Variants in SMG7 observed in about 807,000 individuals in gnomAD.
SMG7 encodes the protein SMG7 nonsense mediated mRNA decay factor, also known as nonsense-mediated mRNA decay factor SMG7.
A neutral mutation model predicts 148.2 loss-of-function variants in SMG7; 34 were observed. The observed-to-expected ratio is 0.23, with a 90% CI of 0.17 to 0.31. The LOEUF (loss-of-function observed/expected upper bound fraction) is 0.31, where lower values mean the gene tolerates loss of function less well. Among genes scored for constraint, SMG7 ranks in the 10% least tolerant of loss-of-function variants. SMG7 has a pLI of 1.00. For synonymous variants in SMG7, 492 were observed against 515.1 expected, an observed-to-expected ratio of 0.96 and a Z score of 0.61; for missense variants, 1,114 against 1,408.4, an observed-to-expected ratio of 0.79 and a Z score of 3.35.
chr1:183,482,593 C>T (rs1473208270), intron 1 of SMG7, among the ~76,000 whole-genome samples: 3 of 152,024 alleles, frequency 2.0e-5, no homozygotes. Flanking sequence ...TAGGTGAGTA[C>T]AGTACAATAT....
chr1:183,509,159 A>G (rs1320508189), intron 1 of SMG7, among the ~76,000 whole-genome samples: 1 of 152,138 alleles, frequency 6.6e-6, no homozygotes, highest in African/African-American at 2.4e-5. Flanking sequence ...GTTCCAATAA[A>G]ACTGTCTTCA....
intron 1 of SMG7, chr1:183,473,829 A>G (rs1156857468): frequency 1.0e-6 from 1 of 985,286 alleles, no homozygotes; most frequent in African/African-American, 1.7e-5. Context: ...ATGAGTGGAA[A>G]AGTCACTTTA....
intron 16 of SMG7, among the ~76,000 whole-genome samples, chr1:183,545,593 A>T (rs1669785166): frequency 6.6e-6 from 1 of 152,226 alleles, no homozygotes; most frequent in Admixed American, 6.5e-5. Context: ...CTATAGGAAC[A>T]TAAACTACTA....
intron 4 of SMG7, among the ~76,000 whole-genome samples, chr1:183,520,808 A>AGG (rs1012245845): frequency 2.0e-5 from 3 of 152,224 alleles, no homozygotes; most frequent in African/African-American, 7.2e-5. Context: ...ATTTTTATTG[A>AGG]GGGAGTATGG....
chr1:183,531,772 T>G (rs142605114), intron 8 of SMG7, among the ~76,000 whole-genome samples: 70 of 152,306 alleles, frequency 4.6e-4, no homozygotes, highest in African/African-American at 1.7e-3. Flanking sequence ...GGAAATACAT[T>G]ACCATATTGT....
intron 1 of SMG7, among the ~76,000 whole-genome samples, chr1:183,480,898 A>G (rs922741784): frequency 6.6e-6 from 1 of 152,166 alleles, no homozygotes; most frequent in Admixed American, 6.5e-5. Context: ...TGGGCTAACA[A>G]CTTAACATTT....
intron 1 of SMG7, among the ~76,000 whole-genome samples, chr1:183,494,672 A>C (rs903780551): frequency 2.9e-5 from 4 of 138,488 alleles, no homozygotes; most frequent in Non-Finnish European, 6.2e-5. Context: ...ATAGATTGGC[A>C]TTTTTTCCCT....
intron 3 of SMG7, 61 bp downstream of exon 3, chr1:183,516,052 A>G (rs1365865263): frequency 7.8e-6 from 8 of 1,024,280 alleles, no homozygotes; most frequent in Non-Finnish European, 1.2e-5. Flanking sequence ...CGAGACTTTA[A>G]AACAGTTTGG....
chr1:183,544,873 T>G, intron 15 of SMG7, 57 bp from the exon 16 acceptor site: 1 of 1,562,170 alleles, frequency 6.4e-7, no homozygotes, highest in Admixed American at 2.0e-5. Flanking sequence ...AAAATGACTT[T>G]TTTTGCAATT....
intron 4 of SMG7, among the ~76,000 whole-genome samples, chr1:183,523,995 G>A (rs1474563919): frequency 6.7e-6 from 1 of 150,260 alleles, no homozygotes. Flanking sequence ...TTCCTGCCCT[G>A]TGCCTTGTGC....
At chr1:183,513,285 A>C (rs1662609650) in intron 2 of SMG7, 1 of 155,574 alleles carries the variant, frequency 6.4e-6, no homozygotes, top group Non-Finnish European at 1.4e-5. Context: ...CTTCAGAAAA[A>C]ATATTTATAG....
At position 183,537,222 on chromosome 1, in the gene SMG7, G is replaced by A. The variant is rs779639065; in HGVS notation, c.1234+7G>A. ...GACCTCTCAAGTATTAGTGGTAAGG[G>A]CTACCCTAACCTTGTGTTGTTGATG... is the stretch of plus-strand genomic sequence containing the variant. On this transcript the variant is annotated splice_region_variant and intron_variant, in intron 11 of 22. Coordinates refer to ENST00000688051, the MANE Select transcript of SMG7 (RefSeq NM_001375584.1). 1.2e-5 allele frequency: 19 copies of A among 1,598,178 alleles called. No homozygotes were observed. The South Asian group carries it at 2.1e-4, about 18-fold the overall frequency.
chr1:183,498,215 A>C (rs893013702), intron 1 of SMG7, among the ~76,000 whole-genome samples: 1 of 152,130 alleles, frequency 6.6e-6, no homozygotes, highest in African/African-American at 2.4e-5. Context: ...ATCTAAAATT[A>C]TATGGAGCTT....
In SMG7 at chr1:183,552,190, GTTAC is replaced by G; in HGVS notation, c.*262_*265del. On this transcript the variant is annotated 3_prime_UTR_variant, in exon 23 of 23. Transcript: ENST00000688051. ...GAGGAACTGCTGTTTATCTCACTCA[GTTAC>G]TTGGTATCACCGCCTCTCACCTTCT... The G allele has an allele frequency of 2.7e-6, 3 of 1,124,448 alleles. No homozygotes were observed. The highest frequency in any genetic ancestry group is 3.8e-4 in the Middle Eastern group (1 of 2,662). 69.7% of individuals were successfully genotyped at this position (1,124,448 alleles called of 1,614,324 possible).
rs572068454 is a variant in SMG7, at chr1:183,519,014, A to G, written c.312+1194A>G. Among the ~76,000 whole-genome samples the G allele has an allele frequency of 2.0e-5, 3 of 152,266 alleles. No homozygotes were observed. In the East Asian group the frequency reaches 5.8e-4, roughly 29 times the overall value. ...GTAATCACAACACTTTGGGAAGCCA[A>G]GGTGGGAGGATCACTTGAGCCCAGG... On this transcript the variant is annotated intron_variant, in intron 4 of 22. Coordinates refer to ENST00000688051, the MANE Select transcript of SMG7 (RefSeq NM_001375584.1).
chr1:183,529,654 T>C, intron 8 of SMG7, 121 bp downstream of exon 8: 1 of 732,766 alleles, frequency 1.4e-6, no homozygotes, highest in Non-Finnish European at 2.2e-6. Flanking sequence ...AAAAATTATA[T>C]TCGAAGTATG....
At chr1:183,545,336 T>G (rs751905636) in intron 16 of SMG7, 24 bp downstream of exon 16, 1 of 1,589,508 alleles carries the variant, frequency 6.3e-7, no homozygotes, top group African/African-American at 1.3e-5. Context: ...GTGTGTACTA[T>G]CCAGCTGAAT....
rs965706677 is a variant in SMG7 at position 183,552,773 on chromosome 1, C to T, written c.*842C>T. On this transcript the variant is annotated 3_prime_UTR_variant, in exon 23 of 23. Transcript: ENST00000688051. ...TTTACAGTCGCACAGCAAGCAGTCTCACAGAAGGCAGGCTAGTCCATTCAC... is the reference window on the plus strand; with the variant it reads ...TTTACAGTCGCACAGCAAGCAGTCTTACAGAAGGCAGGCTAGTCCATTCAC... The T allele has an allele frequency of 4.3e-6, 6 of 1,397,878 alleles. No individual in the cohort carries two copies. In the South Asian group the frequency reaches 8.4e-5, roughly 20 times the overall value. The allele number at this position is 1,397,878 out of a possible 1,614,324, so 86.6% of individuals were successfully genotyped here.
chr1:183,512,357 A>G (rs988898327), intron 1 of SMG7, among the ~76,000 whole-genome samples: 1 of 152,206 alleles, frequency 6.6e-6, no homozygotes. Context: ...ATATTTAGTA[A>G]GTGGGAATTG....
Sources: gnomAD v4.1 joint callset for allele counts (sites outside exome capture counted in the v4.1 genomes callset) on GRCh38, gnomAD v4.1.1 for gene constraint, MANE v1.5 for transcripts, NCBI Gene and HGNC (gene_info 2026-07-23, HGNC 2026-07-21) for gene names.